PRKCE: variants seen among roughly 807,000 people sequenced by gnomAD.
PRKCE encodes the protein protein kinase C epsilon.
Under a neutral mutation model 85.4 loss-of-function variants are expected in PRKCE, and 16 were observed. The observed-to-expected ratio is 0.19, with a 90% CI of 0.13 to 0.28. The LOEUF is 0.28. Ranked by LOEUF, PRKCE falls within the 10% of genes least tolerant of loss-of-function variation. The pLI, the probability that PRKCE is intolerant of heterozygous loss-of-function variation, is 1.00. For missense variants in PRKCE, 573 were observed against 975.2 expected (o/e 0.59, Z 5.49); for synonymous variants, 388 against 371.5 (o/e 1.04, Z -0.51).
At chr2:45,717,926 C>T (rs972489175) in intron 1 of PRKCE, among the ~76,000 whole-genome samples, 1 of 152,126 alleles carries the variant, frequency 6.6e-6, no homozygotes, top group African/African-American at 2.4e-5. Flanking sequence ...CTCTTGTGGA[C>T]GTTAAAGGAA....
chr2:45,957,933 T>C, intron 2 of PRKCE, among the ~76,000 whole-genome samples: 1 of 150,626 alleles, frequency 6.6e-6, no homozygotes, highest in East Asian at 2.0e-4. Context: ...TTTTTTTTTT[T>C]TAATGTAGTC....
chr2:45,930,207 G>T (rs1410864370), intron 2 of PRKCE, among the ~76,000 whole-genome samples: 1 of 152,200 alleles, frequency 6.6e-6, no homozygotes, highest in Non-Finnish European at 1.5e-5. Flanking sequence ...AGCAGAAGAA[G>T]ATGTCACAGA....
intron 11 of PRKCE, among the ~76,000 whole-genome samples, chr2:46,102,284 A>C (rs896936253): frequency 2.0e-5 from 3 of 152,206 alleles, no homozygotes; most frequent in African/African-American, 7.2e-5. Flanking sequence ...ACAGGCCTAC[A>C]CTGGGTTCCT....
At chr2:45,931,316 C>T (rs564690807) in intron 2 of PRKCE, among the ~76,000 whole-genome samples, 1 of 152,314 alleles carries the variant, frequency 6.6e-6, no homozygotes, top group African/African-American at 2.4e-5. Context: ...GAGAAACCAT[C>T]CCAGAGTTCC....
intron 10 of PRKCE, among the ~76,000 whole-genome samples, chr2:46,027,623 A>C (rs969763695): frequency 2.0e-5 from 3 of 152,254 alleles, no homozygotes; most frequent in Non-Finnish European, 2.9e-5. Flanking sequence ...CATAGGCACT[A>C]GCATTTTAAA....
intron 14 of PRKCE, among the ~76,000 whole-genome samples, chr2:46,171,027 C>T (rs1277444424): frequency 6.6e-6 from 1 of 152,080 alleles, no homozygotes; most frequent in Non-Finnish European, 1.5e-5. Flanking sequence ...GAAAAAGGTC[C>T]CCCAGTTAGA....
At chr2:45,681,779 T>C (rs1245040671) in intron 1 of PRKCE, among the ~76,000 whole-genome samples, 1 of 152,194 alleles carries the variant, frequency 6.6e-6, no homozygotes, top group East Asian at 1.9e-4. Context: ...GTGAGAGGCA[T>C]GCATGCCCTG....
chr2:45,930,300 A>G (rs903085644), intron 2 of PRKCE, among the ~76,000 whole-genome samples: 1 of 152,236 alleles, frequency 6.6e-6, no homozygotes, highest in Non-Finnish European at 1.5e-5. Flanking sequence ...AGTGATTAAG[A>G]GATGGCCTGG....
intron 2 of PRKCE, among the ~76,000 whole-genome samples, chr2:45,878,432 C>A (rs1382096177): frequency 6.6e-6 from 1 of 152,174 alleles, no homozygotes; most frequent in Non-Finnish European, 1.5e-5. Context: ...CTAGTATACT[C>A]AGGGGGGATG....
Position 46,109,447 on chromosome 2 carries a change from G to A in PRKCE, c.1592+23085G>A, listed in dbSNP as rs537885746. Among the ~76,000 whole-genome samples, 5 of 152,190 alleles carry A rather than the reference G, an allele frequency of 3.3e-5. No homozygotes were observed. The East Asian group carries it at 9.6e-4, about 29-fold the overall frequency. On this transcript the variant is annotated intron_variant, in intron 11 of 14. Coordinates refer to ENST00000306156, the MANE Select transcript of PRKCE (RefSeq NM_005400.3). Reference sequence around the variant, plus strand: ...TTTTGTTAGATTTATACCTAAGCATGTAATTTTTTTGTGTGCTACTGAAAA... The same window carrying A: ...TTTTGTTAGATTTATACCTAAGCATATAATTTTTTTGTGTGCTACTGAAAA...
intron 1 of PRKCE, among the ~76,000 whole-genome samples, chr2:45,716,273 T>C (rs1019135885): frequency 4.6e-5 from 7 of 152,182 alleles, no homozygotes; most frequent in Admixed American, 3.9e-4. Context: ...TCCTAGCCCT[T>C]TGGGAGGCCA....
At chr2:46,114,570 A>G (rs1035399079) in intron 11 of PRKCE, among the ~76,000 whole-genome samples, 61 of 151,908 alleles carry the variant, frequency 4.0e-4, no homozygotes, top group African/African-American at 1.4e-3. Flanking sequence ...GGCACCCGCC[A>G]CCACGCCTGG....
intron 6 of PRKCE, among the ~76,000 whole-genome samples, chr2:45,995,839 C>G (rs55930426): frequency 0.26 from 39,665 of 152,026 alleles, 5,313 homozygotes; most frequent in South Asian, 0.3. Flanking sequence ...TTGCTTGGGT[C>G]TTTTGCCTGG....
chr2:46,084,950 T>C (rs1195426506), intron 10 of PRKCE, among the ~76,000 whole-genome samples: 1 of 152,116 alleles, frequency 6.6e-6, no homozygotes, highest in Non-Finnish European at 1.5e-5. Context: ...AGAGAGCTCC[T>C]TTTTCTCTGA....
At chr2:45,865,587 G>A (rs1693526513) in intron 2 of PRKCE, among the ~76,000 whole-genome samples, 1 of 152,178 alleles carries the variant, frequency 6.6e-6, no homozygotes, top group Admixed American at 6.5e-5. Flanking sequence ...ATTAAGCCGT[G>A]AGAGAGACTC....
chr2:45,924,143 C>G lies in PRKCE; in HGVS notation c.413-52286C>G, dbSNP rs144769343. Among the ~76,000 whole-genome samples the G allele has an allele frequency of 1.4e-3, 206 of 152,268 alleles. 2 individuals carry two copies. Among genetic ancestry groups the G allele is most frequent in the Admixed American group, 9.0e-3 (138 of 15,308 alleles). Reference sequence around the variant, plus strand: ...CTCCTGTGCCTTAAACCGTCAGGGACTTTCATGGGAACCTTTCCTTATGGG... The same window carrying G: ...CTCCTGTGCCTTAAACCGTCAGGGAGTTTCATGGGAACCTTTCCTTATGGG... On this transcript the variant is annotated intron_variant, in intron 2 of 14. Coordinates refer to ENST00000306156, the MANE Select transcript of PRKCE (RefSeq NM_005400.3).
At chr2:46,057,784 G>A (rs1420069811) in intron 10 of PRKCE, among the ~76,000 whole-genome samples, 1 of 152,092 alleles carries the variant, frequency 6.6e-6, no homozygotes, top group Non-Finnish European at 1.5e-5. Flanking sequence ...TCAGGCGTCA[G>A]TTTGTTCCTT....
rs1248514391 is a variant in PRKCE at position 45,916,690 on chromosome 2, A to C, written c.413-59739A>C. Among the ~76,000 whole-genome samples, 2 of 152,210 alleles carry C rather than the reference A, an allele frequency of 1.3e-5. 1 individual carries two copies. The highest frequency in any genetic ancestry group is 1.3e-4 in the Admixed American group (2 of 15,278). Reference sequence around the variant, plus strand: ...TAGATTACAGTACATTTAAAAGAGCATACAGTCTAAACACAATAAAGCCCG... The same window carrying C: ...TAGATTACAGTACATTTAAAAGAGCCTACAGTCTAAACACAATAAAGCCCG... On this transcript the variant is annotated intron_variant, in intron 2 of 14. Coordinates refer to ENST00000306156, the MANE Select transcript of PRKCE (RefSeq NM_005400.3).
intron 6 of PRKCE, among the ~76,000 whole-genome samples, chr2:45,997,679 T>A (rs1704330247): frequency 6.6e-6 from 1 of 152,084 alleles, no homozygotes; most frequent in South Asian, 2.1e-4. Flanking sequence ...CCCAAATAGC[T>A]GGGATTGCAG....
Sources: allele counts gnomAD v4.1 joint callset (sites outside exome capture counted in the v4.1 genomes callset), GRCh38; gene constraint gnomAD v4.1.1; transcripts MANE v1.5; gene names NCBI Gene and HGNC (gene_info 2026-07-23, HGNC 2026-07-21).